The following CBL variants were observed in gnomAD, a reference collection of about 807,000 sequenced individuals.
CBL encodes Cbl proto-oncogene.
A neutral mutation model predicts 96.9 loss-of-function variants in CBL; 45 were observed. The observed-to-expected ratio is 0.46, with a 90% CI of 0.37 to 0.60. The LOEUF (loss-of-function observed/expected upper bound fraction) is 0.60. CBL is among the 20% of genes least tolerant of loss of function. The probability of loss-of-function intolerance (pLI) is 0.00; values close to 1 mark genes in which losing one functional copy is unlikely to be tolerated. For missense variants in CBL, 1,024 were observed against 1,143.5 expected (o/e 0.90, Z 1.51); for synonymous variants, 420 against 426.8 (o/e 0.98, Z 0.20).
chr11:119,278,213 T>TA lies in CBL; in HGVS notation c.1147dup (p.Ile383AsnfsTer4). 6.2e-7 allele frequency: 1 copy of TA among 1,611,922 alleles called. No homozygotes were observed. Among genetic ancestry groups the TA allele is most frequent in the Non-Finnish European group, 8.5e-7 (1 of 1,178,002 alleles). ...AGATGGGCTCCACATTCCAACTATGTAAAATATGTGCTGAAAATGATAAGG... is the reference window on the plus strand; with the variant it reads ...AGATGGGCTCCACATTCCAACTATGTAAAAATATGTGCTGAAAATGATAAGG... On this transcript the variant is annotated frameshift_variant, in exon 8 of 16. Transcript: ENST00000264033. LOFTEE classifies it high-confidence loss of function.
At chr11:119,272,212 C>G (rs768360178) in intron 3 of CBL, among the ~76,000 whole-genome samples, 3 of 152,160 alleles carry the variant, frequency 2.0e-5, no homozygotes, top group Non-Finnish European at 2.9e-5. Context: ...AGCTCTGCCT[C>G]CTGGGTTCAT....
At chr11:119,279,537 A>G (rs968429544) in intron 9 of CBL, among the ~76,000 whole-genome samples, 2 of 151,844 alleles carry the variant, frequency 1.3e-5, no homozygotes, top group Non-Finnish European at 2.9e-5. Context: ...CTGTAGTTCT[A>G]ACTAGTCTGG....
rs541490914 is a variant in CBL, at chr11:119,210,209, G to A, written c.195+3597G>A. Among the ~76,000 whole-genome samples, 9 of 152,148 alleles carry A rather than the reference G, an allele frequency of 5.9e-5. 1 individual carries two copies. Among genetic ancestry groups the A allele is most frequent in the Non-Finnish European group, 1.3e-4 (9 of 68,010 alleles). ...TCCAGACCAGCCTGGGCAACATGAC[G>A]AAACCCTGTCTCTACAAAAAATACA... On this transcript the variant is annotated intron_variant, in intron 1 of 15. Transcript: ENST00000264033.
At chr11:119,224,926 T>C (rs1949445363) in intron 1 of CBL, among the ~76,000 whole-genome samples, 1 of 151,966 alleles carries the variant, frequency 6.6e-6, no homozygotes, top group Non-Finnish European at 1.5e-5. Flanking sequence ...GTATAACTTT[T>C]ATTGAAAAAG....
At chr11:119,230,387 G>A (rs986680693) in intron 1 of CBL, among the ~76,000 whole-genome samples, 9 of 152,084 alleles carry the variant, frequency 5.9e-5, no homozygotes, top group South Asian at 2.1e-4. Flanking sequence ...TGATCCGCCC[G>A]CCTCAGCCTC....
chr11:119,217,510 G>A (rs1208644222), intron 1 of CBL, among the ~76,000 whole-genome samples: 1 of 152,146 alleles, frequency 6.6e-6, no homozygotes, highest in South Asian at 2.1e-4. Flanking sequence ...CATGAATTCA[G>A]ATCAATTCAG....
chr11:119,253,177 G>A (rs1365065771), intron 2 of CBL, among the ~76,000 whole-genome samples: 1 of 151,916 alleles, frequency 6.6e-6, no homozygotes, highest in Non-Finnish European at 1.5e-5. Context: ...AAGTATAAAC[G>A]TTATCAAAAC....
At chr11:119,244,667 C>T (rs949835751) in intron 2 of CBL, among the ~76,000 whole-genome samples, 44 of 150,262 alleles carry the variant, frequency 2.9e-4, no homozygotes, top group Middle Eastern at 3.4e-3. Flanking sequence ...CTGCAAGCTC[C>T]GCCTCCCGGG....
chr11:119,304,629 A>G lies in CBL; in HGVS notation c.*4848A>G, dbSNP rs1950122450. On this transcript the variant is annotated 3_prime_UTR_variant, in exon 16 of 16. Transcript: ENST00000264033. ...AACAAATTCTCAATTTCCCATACTT[A>G]ATTTTTTTTTTTTTTGAGATGGAGT... 4.4e-6 allele frequency: 1 copy of G among 226,116 alleles called. No individual in the cohort carries two copies. Among genetic ancestry groups the G allele is most frequent in the Non-Finnish European group, 8.8e-6 (1 of 114,118 alleles). 14.0% of individuals were successfully genotyped at this position (226,116 alleles called of 1,614,324 possible).
intron 1 of CBL, among the ~76,000 whole-genome samples, chr11:119,224,439 C>T (rs1350568807): frequency 6.6e-6 from 1 of 152,024 alleles, no homozygotes; most frequent in Non-Finnish European, 1.5e-5. Context: ...ACTTTTGACT[C>T]CCTGCCAAAA....
At chr11:119,242,741 T>TAAAAA (rs34339877) in intron 2 of CBL, among the ~76,000 whole-genome samples, 3 of 117,938 alleles carry the variant, frequency 2.5e-5, no homozygotes, top group African/African-American at 3.1e-5. Flanking sequence ...CCTGACTCTT[T>TAAAAA]AAAAAAAAAA....
In CBL at chr11:119,302,145, C is replaced by G. The variant is rs1450007413; in HGVS notation, c.*2364C>G. The G allele has an allele frequency of 2.1e-5, 5 of 232,880 alleles. No individual in the cohort carries two copies. The highest frequency in any genetic ancestry group is 4.2e-5 in the Non-Finnish European group (5 of 117,874). The allele number at this position is 232,880 out of a possible 1,614,324, so 14.4% of individuals were successfully genotyped here. ...AGCGTGAAACTGAGGCTCCAGCTCC[C>G]TGTGTTGTGTGTGTGTGCCATCCAT... On this transcript the variant is annotated 3_prime_UTR_variant, in exon 16 of 16. Transcript: ENST00000264033.
At chr11:119,233,630 CTGTA>C (rs1233562185) in intron 2 of CBL, among the ~76,000 whole-genome samples, 1 of 152,178 alleles carries the variant, frequency 6.6e-6, no homozygotes, top group Non-Finnish European at 1.5e-5. Flanking sequence ...AATAAGTTAA[CTGTA>C]TGTGTGGATG....
At chr11:119,208,771 A>G (rs772905587) in intron 1 of CBL, among the ~76,000 whole-genome samples, 19 of 152,326 alleles carry the variant, frequency 1.2e-4, no homozygotes, top group Non-Finnish European at 2.6e-4. Flanking sequence ...AGATAGTCCT[A>G]TTCTACAAGG....
At chr11:119,223,188 T>C in intron 1 of CBL, among the ~76,000 whole-genome samples, 1 of 74,272 alleles carries the variant, frequency 1.3e-5, no homozygotes, top group Non-Finnish European at 2.6e-5. Flanking sequence ...CCCTTCCTTT[T>C]TTTTTTTTTT....
chr11:119,283,625 C>CTTTTTTTT lies in CBL; in HGVS notation c.1432-1321_1432-1314dup, dbSNP rs398017760. 1.1e-3 allele frequency among the ~76,000 whole-genome samples: 49 copies of CTTTTTTTT among 45,522 alleles called. 4 individuals carry two copies. The highest frequency in any genetic ancestry group is 1.6e-3 in the Non-Finnish European group (40 of 24,532). 29.9% of individuals were successfully genotyped at this position (45,522 alleles called of 152,430 possible). ...AAATATTAATCCTTTTTAATTCTTT[C>CTTTTTTTT]TTTTTTTTTTTTTTTTTTTTTTTTT... On this transcript the variant is annotated intron_variant, in intron 9 of 15. Transcript: ENST00000264033.
chr11:119,255,707 T>C (rs1001828780), intron 2 of CBL, among the ~76,000 whole-genome samples: 3 of 152,184 alleles, frequency 2.0e-5, no homozygotes, highest in African/African-American at 7.2e-5. Context: ...GTGAACAGTT[T>C]GTAAAAGAGT....
rs569107221 is a variant in CBL at position 119,307,839 on chromosome 11, C to T, written c.*8058C>T. 68 of 207,524 alleles carry T rather than the reference C, an allele frequency of 3.3e-4. No individual in the cohort carries two copies. The highest frequency in any genetic ancestry group is 1.6e-3 in the Middle Eastern group (1 of 622). The allele number at this position is 207,524 out of a possible 1,614,324, so 12.9% of individuals were successfully genotyped here. A position where few individuals can be genotyped will look rare whatever the true frequency, so the allele number is the denominator to read the frequency against. On this transcript the variant is annotated 3_prime_UTR_variant, in exon 16 of 16. Coordinates refer to ENST00000264033, the MANE Select transcript of CBL (RefSeq NM_005188.4). ...AAAACAAACACATAGGTGAGATTTT[C>T]GTGGACTATTTTAAAAATGTGTCAT... is the stretch of plus-strand genomic sequence containing the variant.
chr11:119,235,675 A>AT (rs1949540272), intron 2 of CBL, among the ~76,000 whole-genome samples: 1 of 152,156 alleles, frequency 6.6e-6, no homozygotes, highest in Non-Finnish European at 1.5e-5. Flanking sequence ...ATGAAAAAAA[A>AT]GTCTGTGTAT....
Sources: gnomAD v4.1 joint callset for allele counts (sites outside exome capture counted in the v4.1 genomes callset) on GRCh38, gnomAD v4.1.1 for gene constraint, MANE v1.5 for transcripts, NCBI Gene and HGNC (gene_info 2026-07-23, HGNC 2026-07-21) for gene names.